NACAD: variants seen among roughly 807,000 people sequenced by gnomAD.
The protein encoded by NACAD is NAC alpha domain containing.
A neutral mutation model predicts 98.9 loss-of-function variants in NACAD; 47 were observed. That is an observed-to-expected ratio of 0.48 (90% CI 0.38 to 0.61). NACAD has a LOEUF of 0.61. NACAD is among the 20% of genes least tolerant of loss of function. The pLI is 0.00. For synonymous variants in NACAD, 696 were observed against 767.2 expected, an observed-to-expected ratio of 0.91 and a Z score of 1.53; for missense variants, 1,412 against 1,748.2, an observed-to-expected ratio of 0.81 and a Z score of 3.43.
Position 45,083,300 on chromosome 7 carries a change from A to G in NACAD, c.2880T>C (p.Pro960=). The G allele has an allele frequency of 4.5e-6, 7 of 1,551,198 alleles. No homozygotes were observed. Among genetic ancestry groups the G allele is most frequent in the Non-Finnish European group, 6.1e-6 (7 of 1,147,006 alleles). Residue 960 remains proline (P), a synonymous_variant, in exon 2 of 8, where the codon CCT becomes CCC. Coordinates refer to ENST00000490531, the MANE Select transcript of NACAD (RefSeq NM_001146334.2). ...CTTCCTGCTGAGCCATGGTGGCCACAGGCTCTGTCCCTGGGGCACAGCCTG... is the reference window on the plus strand; with the variant it reads ...CTTCCTGCTGAGCCATGGTGGCCACGGGCTCTGTCCCTGGGGCACAGCCTG... ...AEAGCAPGTE[P]VATMAQQEVG... is the part of the protein sequence containing the mutation.
chr7:45,086,662 C>T (rs540362086), intron 1 of NACAD, among the ~76,000 whole-genome samples: 2 of 152,386 alleles, frequency 1.3e-5, no homozygotes, highest in South Asian at 4.1e-4. Flanking sequence ...TTGAGGCCAA[C>T]ATGTCAGGGT....
intron 2 of NACAD, 58 bp from the exon 3 acceptor site, chr7:45,081,925 G>T (rs1230339076): frequency 1.0e-5 from 15 of 1,499,812 alleles, no homozygotes; most frequent in East Asian, 2.5e-5. Flanking sequence ...GGGGAAGGGG[G>T]TTCAGGACCC....
Position 45,085,540 on chromosome 7 carries a change from C to CG in NACAD, c.639dup (p.Ala214ArgfsTer30). 1.3e-6 allele frequency: 2 copies of CG among 1,550,196 alleles called. No homozygotes were observed. The highest frequency in any genetic ancestry group is 8.7e-7 in the Non-Finnish European group (1 of 1,146,816). On this transcript the variant is annotated frameshift_variant, in exon 2 of 8. Transcript: ENST00000490531. LOFTEE classifies it high-confidence loss of function. The surrounding 1 kb of genome is among the most constrained non-coding windows in gnomAD (Gnocchi z 6.1). ...GTAATGTAGGAGCCCGAGGGTGAGG[C>CG]GGGGGGCGAGTCCAGCAGCTCATCC...
intron 1 of NACAD, among the ~76,000 whole-genome samples, chr7:45,086,656 G>C (rs1784527301): frequency 6.6e-6 from 1 of 152,230 alleles, no homozygotes; most frequent in Non-Finnish European, 1.5e-5. Context: ...CTACACTTGA[G>C]GCCAACATGT....
rs1407092781 is a variant in NACAD, at chr7:45,083,262, A to C, written c.2918T>G (p.Leu973Ter). The C allele has an allele frequency of 6.4e-7, 1 of 1,550,934 alleles. No individual in the cohort carries two copies. The highest frequency in any genetic ancestry group is 8.7e-7 in the Non-Finnish European group (1 of 1,147,004). ...CTCCTCAGGTGCTGGCCTGGGGCCT[A>C]AGGCCTCACCTACTTCCTGCTGAGC... ...TMAQQEVGEALGPRPAPEEKN... is the reference protein window; with the variant it reads ...TMAQQEVGEA The change falls in exon 2 of 8, where the codon TTA becomes TGA. Residue 973 changes from leucine to a stop codon, truncating the protein, a stop_gained. Transcript: ENST00000490531. LOFTEE classifies it high-confidence loss of function.
chr7:45,082,027 G>T lies in NACAD; in HGVS notation c.4072+81C>A. The T allele has an allele frequency of 2.0e-6, 3 of 1,465,398 alleles. No homozygotes were observed. Among genetic ancestry groups the T allele is most frequent in the Admixed American group, 5.1e-5 (2 of 39,034 alleles). The allele number at this position is 1,465,398 out of a possible 1,614,324, so 90.8% of individuals were successfully genotyped here. On this transcript the variant is annotated intron_variant, in intron 2 of 7. Coordinates refer to ENST00000490531, the MANE Select transcript of NACAD (RefSeq NM_001146334.2). The surrounding 1 kb of genome is among the most constrained non-coding windows in gnomAD (Gnocchi z 4.5). ...GGCCCCCCACCTCGCCACCTCAGAGGCCCTCCAGCTCAGGACAGCTCTAAG... is the reference window on the plus strand; with the variant it reads ...GGCCCCCCACCTCGCCACCTCAGAGTCCCTCCAGCTCAGGACAGCTCTAAG...
intron 1 of NACAD, among the ~76,000 whole-genome samples, chr7:45,087,657 T>C (rs1228248273): frequency 6.6e-6 from 1 of 152,278 alleles, no homozygotes; most frequent in Non-Finnish European, 1.5e-5. Context: ...ATCAGAGCCC[T>C]GAGCCCTGAA....
chr7:45,084,746 C>T lies in NACAD; in HGVS notation c.1434G>A (p.Glu478=). The T allele has an allele frequency of 1.9e-6, 3 of 1,550,960 alleles. No individual in the cohort carries two copies. Among genetic ancestry groups the T allele is most frequent in the Non-Finnish European group, 2.6e-6 (3 of 1,146,850 alleles). ...VTEEGLALGQ[E]STATVTPHTL... ...TGTGAGGGGTCACAGTGGCAGTGGA[C>T]TCCTGGCCTAAAGCAAGGCCCTCTT... The change falls in exon 2 of 8, where the codon GAG becomes GAA. Residue 478 remains glutamate (E), a synonymous_variant. Transcript: ENST00000490531.
chr7:45,085,630 T>C lies in NACAD; in HGVS notation c.550A>G (p.Thr184Ala). The change falls in exon 2 of 8, where the codon ACC (threonine) becomes GCC (alanine). Residue 184 changes from threonine to alanine, a missense_variant. Thr to Ala is a moderately conservative substitution (Grantham distance 58). This residue lies in a region of NACAD where 638 missense variants were observed against 722.7 expected (regional missense o/e 0.88). Coordinates refer to ENST00000490531, the MANE Select transcript of NACAD (RefSeq NM_001146334.2). This position sits in a 1 kb window ranked among gnomAD's most constrained non-coding sequence, Gnocchi z 6.1. ...CCACAGGCAGGAAGCAGGGCATAGG[T>C]GGTCTTGGTGGGGGTGGAGGGAGGC... ...FTPPSTPTKT[T>A]YALLPACGPH... 1 of 1,540,822 alleles carries C rather than the reference T, an allele frequency of 6.5e-7. No homozygotes were observed. Among genetic ancestry groups the C allele is most frequent in the Non-Finnish European group, 8.7e-7 (1 of 1,143,100 alleles).
Position 45,082,424 on chromosome 7 carries a change from C to A in NACAD, c.3756G>T (p.Gln1252His). 6.5e-7 allele frequency: 1 copy of A among 1,548,900 alleles called. No homozygotes were observed. Among genetic ancestry groups the A allele is most frequent in the Non-Finnish European group, 8.7e-7 (1 of 1,146,482 alleles). The change falls in exon 2 of 8, where the codon CAG (glutamine) becomes CAT (histidine). Residue 1252 changes from glutamine to histidine, a missense_variant. Around this residue, in one of 5 missense-constraint regions of NACAD, gnomAD observed 572 missense variants for 639.6 expected, o/e 0.89. Coordinates refer to ENST00000490531, the MANE Select transcript of NACAD (RefSeq NM_001146334.2). This position sits in a 1 kb window ranked among gnomAD's most constrained non-coding sequence, Gnocchi z 4.5. Reference protein sequence around the residue: ...PLEPPAPCLCQDPQEDSVEDE... With the variant: ...PLEPPAPCLCHDPQEDSVEDE... ...CTTCCACAGAGTCTTCCTGGGGGTC[C>A]TGGCACAGGCAGGGGGCTGGGGGCT...
At chr7:45,087,863 AGG>A (rs1351770798) in intron 1 of NACAD, among the ~76,000 whole-genome samples, 2 of 152,206 alleles carry the variant, frequency 1.3e-5, no homozygotes, top group Non-Finnish European at 2.9e-5. Context: ...CCCCCAGGGC[AGG>A]GGAACGGCTG....
Position 45,082,794 on chromosome 7 carries a change from A to G in NACAD, c.3386T>C (p.Leu1129Pro), listed in dbSNP as rs925926390. The stretch of plus-strand genomic sequence containing the variant: ...GGGCTCCGGGGTGGACTTGCCACTC[A>G]GGCCTCTTTCCTCCCTGGCTGGGCT... The part of the protein sequence containing the change: ...LLSPAREERG[L>P]SGKSTPEPTL... Residue 1129 changes from leucine to proline, a missense_variant, in exon 2 of 8, where the codon CTG (leucine) becomes CCG (proline). Transcript: ENST00000490531. The surrounding 1 kb of genome is among the most constrained non-coding windows in gnomAD (Gnocchi z 4.5). 6.5e-6 allele frequency: 10 copies of G among 1,549,598 alleles called. No homozygotes were observed. The highest frequency in any genetic ancestry group is 8.7e-6 in the Non-Finnish European group (10 of 1,146,622).
At position 45,088,257 on chromosome 7, in the gene NACAD, G is replaced by C. The variant is rs1182248187; in HGVS notation, c.67+571C>G. Among the ~76,000 whole-genome samples, 1 of 152,198 alleles carries C rather than the reference G, an allele frequency of 6.6e-6. No homozygotes were observed. Among genetic ancestry groups the C allele is most frequent in the Non-Finnish European group, 1.5e-5 (1 of 68,030 alleles). ...CACACCCAGGGCCATTGCTAATCAG[G>C]CCACCTCCCCCAAGGCCTTCCACCT... On this transcript the variant is annotated intron_variant, in intron 1 of 7. Coordinates refer to ENST00000490531, the MANE Select transcript of NACAD (RefSeq NM_001146334.2). The surrounding 1 kb of genome is among the most constrained non-coding windows in gnomAD (Gnocchi z 5.7).
chr7:45,085,805 C>G lies in NACAD; in HGVS notation c.375G>C (p.Thr125=), dbSNP rs927782302. 13 of 1,539,044 alleles carry G rather than the reference C, an allele frequency of 8.4e-6. No homozygotes were observed. The highest frequency in any genetic ancestry group is 1.1e-5 in the Non-Finnish European group (12 of 1,140,772). The change falls in exon 2 of 8, where the codon ACG becomes ACC. Residue 125 remains threonine, a synonymous_variant. Transcript: ENST00000490531. This position sits in a 1 kb window ranked among gnomAD's most constrained non-coding sequence, Gnocchi z 6.1. ...LEPRIVMGEE[T]CQALLSPRAA... ...CTCTGGGTGACAGGAGGGCCTGGCA[C>G]GTCTCCTCTCCCATCACAATCCGGG...
In NACAD at chr7:45,083,325, G is replaced by A. The variant is rs975909425; in HGVS notation, c.2855C>T (p.Ala952Val). 1.9e-6 allele frequency: 3 copies of A among 1,551,128 alleles called. No homozygotes were observed. The highest frequency in any genetic ancestry group is 2.6e-6 in the Non-Finnish European group (3 of 1,147,018). ...AGGCTCTGTCCCTGGGGCACAGCCT[G>A]CTTCTGCCTGCAAGGTTTGAGGGGT... is the stretch of plus-strand genomic sequence containing the variant. ...VATPQTLQAE[A>V]GCAPGTEPVA... The change falls in exon 2 of 8, where the codon GCA becomes GTA. Residue 952 changes from alanine to valine, a missense_variant. Transcript: ENST00000490531.
chr7:45,081,445 A>G, intron 4 of NACAD, 156 bp downstream of exon 4: 3 of 1,241,236 alleles, frequency 2.4e-6, no homozygotes, highest in Non-Finnish European at 2.2e-6. Context: ...TTCCAGCCTC[A>G]GCTGTTTAGG....
At position 45,088,150 on chromosome 7, in the gene NACAD, C is replaced by T. The variant is rs1223607805; in HGVS notation, c.67+678G>A. Among the ~76,000 whole-genome samples the T allele has an allele frequency of 1.3e-5, 2 of 152,190 alleles. No homozygotes were observed. The highest frequency in any genetic ancestry group is 2.9e-5 in the Non-Finnish European group (2 of 68,030). Reference sequence around the variant, plus strand: ...GGCTGACCTCCACGCCAGGACTGTCCAGGCTCGGCTCTTTCTAGGCCCCGT... The same window carrying T: ...GGCTGACCTCCACGCCAGGACTGTCTAGGCTCGGCTCTTTCTAGGCCCCGT... On this transcript the variant is annotated intron_variant, in intron 1 of 7. Coordinates refer to ENST00000490531, the MANE Select transcript of NACAD (RefSeq NM_001146334.2). The surrounding 1 kb of genome is among the most constrained non-coding windows in gnomAD (Gnocchi z 5.7).
At chr7:45,086,743 G>A (rs986566314) in intron 1 of NACAD, among the ~76,000 whole-genome samples, 2 of 152,230 alleles carry the variant, frequency 1.3e-5, no homozygotes, top group Non-Finnish European at 2.9e-5. Context: ...GCCACCACAC[G>A]CAGCCAAGTT....
rs1784558378 is a variant in NACAD, at chr7:45,088,689, G to A, written c.67+139C>T. The A allele has an allele frequency of 3.3e-6, 2 of 607,324 alleles. No homozygotes were observed. The highest frequency in any genetic ancestry group is 3.5e-5 in the East Asian group (1 of 28,686). 37.6% of individuals were successfully genotyped at this position (607,324 alleles called of 1,614,324 possible). On this transcript the variant is annotated intron_variant, in intron 1 of 7. Transcript: ENST00000490531. The surrounding 1 kb of genome is among the most constrained non-coding windows in gnomAD (Gnocchi z 5.7). ...GGTAGCAGGGTTCAGATGGAGGGAA[G>A]GACAGGGCGCGGAAAGGGGAGGGGA...
Sources: gnomAD v4.1 joint callset for allele counts (sites outside exome capture counted in the v4.1 genomes callset) on GRCh38, gnomAD v4.1.1 for gene constraint, gnomAD v4.1.1 regional missense constraint, Gnocchi (gnomAD v3.1) non-coding constraint, MANE v1.5 for transcripts, NCBI Gene and HGNC (gene_info 2026-07-23, HGNC 2026-07-21) for gene names.